Variants in CAMK2D observed in about 807,000 individuals in gnomAD.
CAMK2D encodes the protein calcium/calmodulin dependent protein kinase II delta, also known as calcium/calmodulin-dependent protein kinase type II subunit delta.
A neutral mutation model predicts 84.0 loss-of-function variants in CAMK2D; 37 were observed. The observed-to-expected ratio is 0.44, with a 90% CI of 0.34 to 0.58. The LOEUF is 0.58. CAMK2D is among the 20% of genes least tolerant of loss of function. The pLI is 0.02. For synonymous variants in CAMK2D, 202 were observed against 212.5 expected, an observed-to-expected ratio of 0.95 and a Z score of 0.43; for missense variants, 448 against 652.5, an observed-to-expected ratio of 0.69 and a Z score of 3.41.
At chr4:113,666,773 G>A (rs1177663459) in intron 2 of CAMK2D, among the ~76,000 whole-genome samples, 1 of 152,154 alleles carries the variant, frequency 6.6e-6, no homozygotes, top group African/African-American at 2.4e-5. Context: ...ATGGGAGCAT[G>A]AAAAATGGAA....
At position 113,502,946 on chromosome 4, in the gene CAMK2D, T is replaced by A. The variant is rs372659984; in HGVS notation, c.1076A>T (p.Asp359Val). 1.2e-6 allele frequency: 2 copies of A among 1,605,938 alleles called. No homozygotes were observed. Among genetic ancestry groups the A allele is most frequent in the Non-Finnish European group, 1.7e-6 (2 of 1,172,658 alleles). ...EPQTTVIHNP[D>V]GNKESTESSN... ...ATTCTTTCTGAATACCTTGTTTCCA[T>A]CAGGGTTGTGGATTACAGTAGTTTG... is the stretch of plus-strand genomic sequence containing the variant. Residue 359 changes from aspartate (D) to valine (V), a missense_variant, in exon 15 of 21, where the codon GAT becomes GTT. Coordinates refer to ENST00000511664, the MANE Select transcript of CAMK2D (RefSeq NM_001321571.2).
At chr4:113,728,343 C>G (rs1177342622) in intron 2 of CAMK2D, among the ~76,000 whole-genome samples, 1 of 152,082 alleles carries the variant, frequency 6.6e-6, no homozygotes, top group East Asian at 1.9e-4. Context: ...TAAGTAACAA[C>G]ACAGATGAGA....
chr4:113,643,181 A>G (rs1561551421), intron 3 of CAMK2D, among the ~76,000 whole-genome samples: 1 of 152,232 alleles, frequency 6.6e-6, no homozygotes, highest in East Asian at 1.9e-4. Context: ...CATTTCTTCA[A>G]TCTATATTCA....
Position 113,761,274 on chromosome 4 carries a change from C to G in CAMK2D, c.-206G>C. 2.1e-6 allele frequency: 3 copies of G among 1,434,956 alleles called. No individual in the cohort carries two copies. Among genetic ancestry groups the G allele is most frequent in the Non-Finnish European group, 2.7e-6 (3 of 1,098,016 alleles). 88.9% of individuals were successfully genotyped at this position (1,434,956 alleles called of 1,614,324 possible). A position where few individuals can be genotyped will look rare whatever the true frequency, so the allele number is the denominator to read the frequency against. On this transcript the variant is annotated 5_prime_UTR_variant, in exon 1 of 21. Coordinates refer to ENST00000511664, the MANE Select transcript of CAMK2D (RefSeq NM_001321571.2). The stretch of plus-strand genomic sequence containing the variant: ...GAAAGGGTGGCGTGGGGTCTCCTCC[C>G]CACAGTCCGCCGATCCTCCTCCTCC...
At chr4:113,732,871 A>T (rs1247460966) in intron 2 of CAMK2D, among the ~76,000 whole-genome samples, 1 of 152,186 alleles carries the variant, frequency 6.6e-6, no homozygotes, top group Non-Finnish European at 1.5e-5. Flanking sequence ...TATATTAGGA[A>T]TATAGATATA....
At chr4:113,672,196 C>T (rs967117748) in intron 2 of CAMK2D, among the ~76,000 whole-genome samples, 7 of 152,170 alleles carry the variant, frequency 4.6e-5, no homozygotes, top group African/African-American at 1.7e-4. Context: ...TCATTAAAAT[C>T]CCATACATAT....
chr4:113,630,496 G>A (rs922116627), intron 3 of CAMK2D, among the ~76,000 whole-genome samples: 1 of 152,028 alleles, frequency 6.6e-6, no homozygotes, highest in African/African-American at 2.4e-5. Flanking sequence ...AGAATTGTTG[G>A]GAGGGCTCAG....
At chr4:113,521,505 T>C (rs1167153426) in intron 8 of CAMK2D, among the ~76,000 whole-genome samples, 1 of 152,172 alleles carries the variant, frequency 6.6e-6, no homozygotes, top group Non-Finnish European at 1.5e-5. Flanking sequence ...TAATGGTAAA[T>C]AGTATCTAGA....
chr4:113,577,925 T>C (rs2098791483), intron 4 of CAMK2D, among the ~76,000 whole-genome samples: 1 of 152,136 alleles, frequency 6.6e-6, no homozygotes, highest in Admixed American at 6.5e-5. Context: ...TAACATCATA[T>C]GCTTTTCCAC....
intron 17 of CAMK2D, among the ~76,000 whole-genome samples, chr4:113,460,672 C>CAATAAT (rs141015279): frequency 5.3e-5 from 8 of 150,130 alleles, no homozygotes; most frequent in East Asian, 2.0e-4. Context: ...AATACTTCTG[C>CAATAAT]AATAATAATA....
intron 3 of CAMK2D, among the ~76,000 whole-genome samples, chr4:113,622,543 T>C (rs1165504930): frequency 6.6e-6 from 1 of 152,176 alleles, no homozygotes; most frequent in East Asian, 1.9e-4. Flanking sequence ...GGCAGAAGTA[T>C]CGCTTGAGCC....
intron 2 of CAMK2D, among the ~76,000 whole-genome samples, chr4:113,699,471 G>A (rs962930332): frequency 2.6e-5 from 4 of 152,050 alleles, no homozygotes; most frequent in African/African-American, 9.7e-5. Context: ...TCAACTAGAA[G>A]CTCTAGAAGA....
chr4:113,702,906 T>C (rs982408451), intron 2 of CAMK2D, among the ~76,000 whole-genome samples: 6 of 151,612 alleles, frequency 4.0e-5, no homozygotes, highest in Admixed American at 2.6e-4. Flanking sequence ...TCTTAAAATA[T>C]ATATATATAC....
At chr4:113,459,381 GT>G (rs1409902066) in intron 18 of CAMK2D, among the ~76,000 whole-genome samples, 3 of 151,922 alleles carry the variant, frequency 2.0e-5, no homozygotes, top group African/African-American at 7.3e-5. Context: ...ATCATGACTG[GT>G]TAATTTTTAT....
At chr4:113,489,310 C>T (rs1384263294) in intron 16 of CAMK2D, among the ~76,000 whole-genome samples, 1 of 128,278 alleles carries the variant, frequency 7.8e-6, no homozygotes, top group East Asian at 2.4e-4. Flanking sequence ...CCACAACAGT[C>T]CCCAGAGTGT....
chr4:113,565,698 A>G (rs6848486), intron 4 of CAMK2D, among the ~76,000 whole-genome samples: 7,910 of 151,756 alleles, frequency 0.052, 601 homozygotes, highest in African/African-American at 0.16. Flanking sequence ...ATAATTGAAC[A>G]CACGTGTGCA....
At chr4:113,735,271 G>A (rs917988099) in intron 2 of CAMK2D, among the ~76,000 whole-genome samples, 1 of 114,744 alleles carries the variant, frequency 8.7e-6, no homozygotes, top group African/African-American at 3.5e-5. Context: ...GGCCAACATG[G>A]CAAAACCATC....
intron 19 of CAMK2D, chr4:113,457,002 C>T (rs1442160501): frequency 3.8e-5 from 9 of 235,078 alleles, no homozygotes; most frequent in Non-Finnish European, 7.3e-5. Context: ...TCTGATATCC[C>T]CTTCTTCTGT....
intron 2 of CAMK2D, among the ~76,000 whole-genome samples, chr4:113,721,738 T>C (rs2099531111): frequency 6.6e-6 from 1 of 152,210 alleles, no homozygotes; most frequent in Non-Finnish European, 1.5e-5. Flanking sequence ...CTCTTTGTGG[T>C]GGCTTCTAAT....
Sources: gnomAD v4.1 joint callset for allele counts (sites outside exome capture counted in the v4.1 genomes callset) on GRCh38, gnomAD v4.1.1 for gene constraint, MANE v1.5 for transcripts, NCBI Gene and HGNC (gene_info 2026-07-23, HGNC 2026-07-21) for gene names.